The following BTAF1 variants were observed in gnomAD, a reference collection of about 807,000 sequenced individuals.
BTAF1 encodes the protein TATA-binding protein-associated factor 172.
Under a neutral mutation model 227.1 loss-of-function variants are expected in BTAF1, and 38 were observed. That is an observed-to-expected ratio of 0.17 (90% confidence interval 0.13 to 0.22). BTAF1 has a LOEUF of 0.22. BTAF1 is among the 10% of genes least tolerant of loss of function. The pLI is 1.00. For synonymous variants in BTAF1, 742 were observed against 751.9 expected (o/e 0.99, Z 0.21); for missense variants, 1,598 against 2,204.0 (o/e 0.73, Z 5.51).
At chr10:91,952,144 A>ATGTGTG (rs537285079) in intron 5 of BTAF1, among the ~76,000 whole-genome samples, 2 of 149,048 alleles carry the variant, frequency 1.3e-5, no homozygotes, top group Middle Eastern at 7.0e-3. Flanking sequence ...ATATATGTAT[A>ATGTGTG]TGTGTGTGTG....
At chr10:91,944,201 C>A (rs1359533101) in intron 4 of BTAF1, among the ~76,000 whole-genome samples, 1 of 151,624 alleles carries the variant, frequency 6.6e-6, no homozygotes, top group Non-Finnish European at 1.5e-5. Flanking sequence ...TGATATGTAA[C>A]CAGGATTGGG....
At chr10:91,982,900 T>C in intron 18 of BTAF1, 139 bp downstream of exon 18, 2 of 912,140 alleles carry the variant, frequency 2.2e-6, no homozygotes, top group Non-Finnish European at 3.2e-6. Context: ...CCAAATTATA[T>C]TGAAGATTAT....
At chr10:92,013,064 A>G (rs1183761966) in intron 30 of BTAF1, among the ~76,000 whole-genome samples, 3 of 152,198 alleles carry the variant, frequency 2.0e-5, no homozygotes, top group Admixed American at 6.5e-5. Flanking sequence ...ATGAGAGGAT[A>G]GCCACTGAGC....
chr10:92,002,256 TTC>T (rs1849599510), intron 25 of BTAF1, among the ~76,000 whole-genome samples: 1 of 152,202 alleles, frequency 6.6e-6, no homozygotes, highest in Admixed American at 6.5e-5. Context: ...TTTATTTTGA[TTC>T]TCTCTGTTAA....
At chr10:91,967,377 A>G (rs1846989907) in intron 14 of BTAF1, among the ~76,000 whole-genome samples, 1 of 152,206 alleles carries the variant, frequency 6.6e-6, no homozygotes, top group Non-Finnish European at 1.5e-5. Context: ...AAATAACCTT[A>G]TAGGTCAAAC....
At chr10:91,953,345 T>G (rs1376638088) in intron 5 of BTAF1, among the ~76,000 whole-genome samples, 1 of 152,176 alleles carries the variant, frequency 6.6e-6, no homozygotes, top group Admixed American at 6.6e-5. Context: ...TATAATTTAT[T>G]TATTTATTTT....
chr10:92,030,644 G>GC lies in BTAF1; in HGVS notation c.*1712dup, dbSNP rs1247364091. On this transcript the variant is annotated 3_prime_UTR_variant, in exon 38 of 38. Transcript: ENST00000265990. Reference sequence around the variant, plus strand: ...TTCCCAATCTGAAATGTCAGATAGAGCTAGAAGTCAGATATTTAGGCTGTT... The same window carrying GC: ...TTCCCAATCTGAAATGTCAGATAGAGCCTAGAAGTCAGATATTTAGGCTGTT... Among the ~76,000 whole-genome samples the GC allele has an allele frequency of 7.2e-6, 1 of 138,456 alleles. No individual in the cohort carries two copies. The highest frequency in any genetic ancestry group is 2.1e-4 in the East Asian group (1 of 4,784). 90.8% of individuals were successfully genotyped at this position (138,456 alleles called of 152,430 possible).
At chr10:91,972,508 C>T (rs935374662) in intron 14 of BTAF1, among the ~76,000 whole-genome samples, 2 of 152,196 alleles carry the variant, frequency 1.3e-5, no homozygotes, top group African/African-American at 2.4e-5. Flanking sequence ...TTATCTAAAT[C>T]ATTGTTTAAA....
intron 24 of BTAF1, chr10:91,997,034 A>G: frequency 9.3e-7 from 1 of 1,071,236 alleles, no homozygotes; most frequent in Non-Finnish European, 1.3e-6. Flanking sequence ...CCCTTTGCTA[A>G]GGGTATGGCA....
intron 19 of BTAF1, among the ~76,000 whole-genome samples, chr10:91,987,672 C>T (rs1848497727): frequency 6.6e-6 from 1 of 152,142 alleles, no homozygotes; most frequent in Admixed American, 6.5e-5. Flanking sequence ...CATCCCTCTC[C>T]TGCTTAAAAA....
At chr10:91,973,381 T>G (rs1564685778) in intron 14 of BTAF1, among the ~76,000 whole-genome samples, 1 of 152,204 alleles carries the variant, frequency 6.6e-6, no homozygotes, top group Non-Finnish European at 1.5e-5. Context: ...TTTGAAAATG[T>G]TAATGCTATA....
Position 91,966,725 on chromosome 10 carries a change from A to G in BTAF1, c.1618A>G (p.Thr540Ala). The change falls in exon 14 of 38, where the codon ACT becomes GCT. Residue 540 changes from threonine (T) to alanine (A), a missense_variant. Around this residue, in one of 10 missense-constraint regions of BTAF1, gnomAD observed 318 missense variants for 435.0 expected, o/e 0.73. Transcript: ENST00000265990. Reference protein sequence around the residue: ...ISSVRRAALETLFTLLSTQDQ... With the variant: ...ISSVRRAALEALFTLLSTQDQ... ...ATCAGTTCGAAGAGCAGCATTGGAAACTCTGTTTACGTTATTATCAACACA... is the reference window on the plus strand; with the variant it reads ...ATCAGTTCGAAGAGCAGCATTGGAAGCTCTGTTTACGTTATTATCAACACA... The G allele has an allele frequency of 1.2e-6, 2 of 1,613,770 alleles. No individual in the cohort carries two copies. The highest frequency in any genetic ancestry group is 1.7e-6 in the Non-Finnish European group (2 of 1,179,880).
intron 1 of BTAF1, among the ~76,000 whole-genome samples, chr10:91,934,694 C>G (rs753908176): frequency 4.6e-5 from 7 of 152,166 alleles, no homozygotes; most frequent in Non-Finnish European, 8.8e-5. Flanking sequence ...AGCTGTATCT[C>G]CCACTCTTCT....
chr10:91,959,666 A>G, intron 9 of BTAF1, 119 bp from the exon 10 acceptor site: 1 of 403,910 alleles, frequency 2.5e-6, no homozygotes, highest in Non-Finnish European at 3.7e-6. Flanking sequence ...GTGTCCCCCA[A>G]GTCCCCAGTA....
intron 4 of BTAF1, among the ~76,000 whole-genome samples, chr10:91,950,153 G>T (rs796167824): frequency 1.9e-4 from 17 of 89,968 alleles, no homozygotes; most frequent in Admixed American, 4.8e-4. Context: ...CTTTGTGGGG[G>T]GGGGCGGGAA....
At chr10:91,983,183 T>C (rs58837714) in intron 18 of BTAF1, among the ~76,000 whole-genome samples, 1,841 of 152,348 alleles carry the variant, frequency 0.012, 32 homozygotes, top group African/African-American at 0.041. Flanking sequence ...GGCAGAATTT[T>C]TGGTCACAGG....
intron 34 of BTAF1, 138 bp downstream of exon 34, chr10:92,019,073 G>T: frequency 1.1e-6 from 1 of 877,788 alleles, no homozygotes. Context: ...ACAGCTTTTT[G>T]TAAAAATGTG....
intron 25 of BTAF1, among the ~76,000 whole-genome samples, chr10:92,002,232 C>A (rs1211428469): frequency 6.6e-6 from 1 of 152,130 alleles, no homozygotes; most frequent in African/African-American, 2.4e-5. Flanking sequence ...CGTTTAAGTT[C>A]ATTCCTGTTC....
chr10:91,997,472 G>T, intron 24 of BTAF1, 131 bp from the exon 25 acceptor site: 1 of 753,712 alleles, frequency 1.3e-6, no homozygotes, highest in Middle Eastern at 3.7e-4. Context: ...GGCCTGGAGG[G>T]TCAGTCTTTT....
Sources: gnomAD v4.1 joint callset for allele counts (sites outside exome capture counted in the v4.1 genomes callset) on GRCh38, gnomAD v4.1.1 for gene constraint, gnomAD v4.1.1 regional missense constraint, MANE v1.5 for transcripts, NCBI Gene and HGNC (gene_info 2026-07-23, HGNC 2026-07-21) for gene names.